Variants in ST6GAL1 observed in about 807,000 individuals in gnomAD.
ST6GAL1 encodes ST6 beta-galactoside alpha-2,6-sialyltransferase 1.
ST6GAL1 carries 20 observed loss-of-function variants against 38.0 expected under a neutral mutation model. The observed-to-expected ratio is 0.53, with a 90% CI of 0.37 to 0.77. ST6GAL1 has a LOEUF of 0.77. Among genes scored for constraint, ST6GAL1 ranks in the 30% least tolerant of loss-of-function variants. ST6GAL1 has a pLI of 0.00. For synonymous variants in ST6GAL1, 196 were observed against 188.2 expected (o/e 1.04, Z -0.34); for missense variants, 432 against 496.4 (o/e 0.87, Z 1.23).
In ST6GAL1 at chr3:187,041,883, C is replaced by T. The variant is rs1357713574; in HGVS notation, c.-50-771C>T. On this transcript the variant is annotated intron_variant, in intron 3 of 7. Transcript: ENST00000169298. The stretch of plus-strand genomic sequence containing the variant: ...TGAAGTTAAGTGAAATAACATCTAG[C>T]GTGCTTAATGAATTTTTGTTTCCAT... 3.9e-5 allele frequency: 6 copies of T among 152,312 alleles called. No individual in the cohort carries two copies. The East Asian group carries it at 9.6e-4, about 24-fold the overall frequency. 9.4% of individuals were successfully genotyped at this position (152,312 alleles called of 1,614,324 possible).
At chr3:186,982,920 G>A (rs1560150153) in intron 2 of ST6GAL1, among the ~76,000 whole-genome samples, 1 of 150,894 alleles carries the variant, frequency 6.6e-6, no homozygotes. Context: ...GACCTCAGGT[G>A]ATCCAGCCAC....
At chr3:186,974,727 G>GC (rs1491107527) in intron 2 of ST6GAL1, among the ~76,000 whole-genome samples, 3 of 23,066 alleles carry the variant, frequency 1.3e-4, no homozygotes, top group African/African-American at 3.4e-4. Flanking sequence ...GAGCCTGGTT[G>GC]GGGGGGGGGC....
intron 2 of ST6GAL1, among the ~76,000 whole-genome samples, chr3:187,024,475 T>C (rs1717449229): frequency 9.9e-6 from 1 of 100,568 alleles, no homozygotes; most frequent in African/African-American, 3.9e-5. Flanking sequence ...TATATATGTG[T>C]ATATATATAT....
Position 187,042,782 on chromosome 3 carries a change from A to C in ST6GAL1, c.79A>C (p.Lys27Gln). Residue 27 changes from lysine to glutamine, a missense_variant, in exon 4 of 8, where the codon AAG (lysine) becomes CAG (glutamine). By Grantham distance (53) the Lys-to-Gln change is moderately conservative. Transcript: ENST00000169298. ...FLLFAVICVW[K>Q]EKKKGSYYDS... ...TCTGTTTGCAGTCATCTGTGTGTGGAAGGAAAAGAAGAAAGGGAGTTACTA... is the reference window on the plus strand; with the variant it reads ...TCTGTTTGCAGTCATCTGTGTGTGGCAGGAAAAGAAGAAAGGGAGTTACTA... The C allele has an allele frequency of 6.2e-7, 1 of 1,614,138 alleles. No homozygotes were observed. The highest frequency in any genetic ancestry group is 8.5e-7 in the Non-Finnish European group (1 of 1,180,016).
Position 186,999,438 on chromosome 3 carries a change from GTCTC to G in ST6GAL1, c.-183+35513_-183+35516del, listed in dbSNP as rs1716538097. Among the ~76,000 whole-genome samples, 21 of 145,910 alleles carry G rather than the reference GTCTC, an allele frequency of 1.4e-4. No individual in the cohort carries two copies. In the South Asian group the frequency reaches 4.3e-3, roughly 30 times the overall value. On this transcript the variant is annotated intron_variant, in intron 2 of 7. Coordinates refer to ENST00000169298, the MANE Select transcript of ST6GAL1 (RefSeq NM_173216.2). ...CTTTTTTTTTTTTTTTTGAGACGGA[GTCTC>G]ACTCCGTAGCCCAGACTGGAGTGCA...
intron 4 of ST6GAL1, 77 bp from the exon 5 acceptor site, chr3:187,051,172 C>A: frequency 7.8e-7 from 1 of 1,287,258 alleles, no homozygotes; most frequent in Non-Finnish European, 1.1e-6. Context: ...TTGCCCCCTC[C>A]CCCGCCTCTC....
At chr3:187,058,413 A>G (rs895141873) in intron 5 of ST6GAL1, among the ~76,000 whole-genome samples, 2 of 152,170 alleles carry the variant, frequency 1.3e-5, no homozygotes, top group Admixed American at 1.3e-4. Context: ...AGCTGTTCCT[A>G]TTTGACCATC....
intron 2 of ST6GAL1, among the ~76,000 whole-genome samples, chr3:186,995,458 A>G (rs1200878911): frequency 6.8e-6 from 1 of 148,078 alleles, no homozygotes; most frequent in Non-Finnish European, 1.5e-5. Flanking sequence ...GTGAGCCAAG[A>G]TTGCGCCACT....
intron 2 of ST6GAL1, among the ~76,000 whole-genome samples, chr3:186,966,494 T>G (rs1483514163): frequency 6.6e-6 from 1 of 152,208 alleles, no homozygotes; most frequent in Non-Finnish European, 1.5e-5. Context: ...GAGTGCTCTT[T>G]ATGGCAAGCA....
chr3:186,968,065 C>T (rs980523601), intron 2 of ST6GAL1, among the ~76,000 whole-genome samples: 1 of 152,176 alleles, frequency 6.6e-6, no homozygotes, highest in Non-Finnish European at 1.5e-5. Context: ...TCTTTGAGGT[C>T]TTGCTTAGGC....
chr3:186,971,592 G>A (rs1421839757), intron 2 of ST6GAL1, among the ~76,000 whole-genome samples: 1 of 152,202 alleles, frequency 6.6e-6, no homozygotes, highest in Non-Finnish European at 1.5e-5. Context: ...CATTTTCAGA[G>A]CTGCCCCAGG....
rs17719057 is a variant in ST6GAL1 at position 186,999,240 on chromosome 3, C to G, written c.-183+35314C>G. The stretch of plus-strand genomic sequence containing the variant: ...GTGGGACCATTAACACCACTCGCCT[C>G]GTAGAAGGTGTGTGTCATTCAAGGT... On this transcript the variant is annotated intron_variant, in intron 2 of 7. Coordinates refer to ENST00000169298, the MANE Select transcript of ST6GAL1 (RefSeq NM_173216.2). Among the ~76,000 whole-genome samples, 1,064 of 152,268 alleles carry G rather than the reference C, an allele frequency of 7.0e-3. 15 individuals carry two copies. Among genetic ancestry groups the G allele is most frequent in the Admixed American group, 0.038 (580 of 15,302 alleles).
chr3:187,023,283 CTCTAATTGTCTGCATA>C (rs1291349561), intron 2 of ST6GAL1, among the ~76,000 whole-genome samples: 3 of 152,220 alleles, frequency 2.0e-5, no homozygotes, highest in Non-Finnish European at 4.4e-5. Context: ...CTCTTCCCTA[CTCTAATTGTCTGCATA>C]TCAGTTATCT....
chr3:186,989,614 T>C (rs1223774231), intron 2 of ST6GAL1, among the ~76,000 whole-genome samples: 1 of 152,212 alleles, frequency 6.6e-6, no homozygotes, highest in African/African-American at 2.4e-5. Flanking sequence ...GATAACATTG[T>C]TGGCAGGCTA....
chr3:187,067,102 TTTTTTG>T (rs1451639965), intron 5 of ST6GAL1, among the ~76,000 whole-genome samples: 22 of 107,670 alleles, frequency 2.0e-4, no homozygotes, highest in African/African-American at 8.4e-4. Context: ...TTTTTTTTTT[TTTTTTG>T]GAGACAGAGT....
At chr3:186,970,215 C>CTTTTT (rs34302492) in intron 2 of ST6GAL1, among the ~76,000 whole-genome samples, 34 of 132,814 alleles carry the variant, frequency 2.6e-4, no homozygotes, top group African/African-American at 9.0e-4. Context: ...TTTTCTTTTT[C>CTTTTT]TTTTTTTTTT....
At chr3:186,937,571 A>G (rs1714006702) in intron 1 of ST6GAL1, among the ~76,000 whole-genome samples, 1 of 152,186 alleles carries the variant, frequency 6.6e-6, no homozygotes, top group Non-Finnish European at 1.5e-5. Flanking sequence ...ACTCTAAACC[A>G]AAGACAAATA....
Position 187,077,440 on chromosome 3 carries a change from G to C in ST6GAL1, c.*1637G>C, listed in dbSNP as rs149008503. On this transcript the variant is annotated 3_prime_UTR_variant, in exon 8 of 8. Transcript: ENST00000169298. ...TGTGCTCAAGGGGATCTAATGTTTG[G>C]GCTCCAAACTAACCATCTCGGAGCT... is the stretch of plus-strand genomic sequence containing the variant. 1 of 153,790 alleles carries C rather than the reference G, an allele frequency of 6.5e-6. No individual in the cohort carries two copies. Among genetic ancestry groups the C allele is most frequent in the Non-Finnish European group, 1.4e-5 (1 of 69,242 alleles). The allele number at this position is 153,790 out of a possible 1,614,324, so 9.5% of individuals were successfully genotyped here.
At chr3:187,039,150 C>G (rs370970725) in intron 3 of ST6GAL1, among the ~76,000 whole-genome samples, 1 of 152,136 alleles carries the variant, frequency 6.6e-6, no homozygotes, top group Non-Finnish European at 1.5e-5. Context: ...CTACCTGCCA[C>G]GAATGCAACT....
Sources: gnomAD v4.1 joint callset for allele counts (sites outside exome capture counted in the v4.1 genomes callset) on GRCh38, gnomAD v4.1.1 for gene constraint, MANE v1.5 for transcripts, NCBI Gene and HGNC (gene_info 2026-07-23, HGNC 2026-07-21) for gene names.